Variants in SPEF2 observed in about 807,000 individuals in gnomAD.
SPEF2 encodes the protein sperm flagellar and cilia associated 2, also known as sperm flagella and cilia-associated protein 2.
In SPEF2, 187 loss-of-function variants were observed where a neutral mutation model predicts 224.6. The observed-to-expected ratio is 0.83, with a 90% confidence interval of 0.74 to 0.94. The LOEUF (loss-of-function observed/expected upper bound fraction) is 0.94. SPEF2 is among the 40% of genes least tolerant of loss of function. SPEF2 has a pLI of 0.00. For missense variants in SPEF2, 2,170 were observed against 2,135.6 expected, an observed-to-expected ratio of 1.02 and a Z score of -0.32; for synonymous variants, 715 against 707.3, an observed-to-expected ratio of 1.01 and a Z score of -0.17.
At chr5:35,765,491 A>G (rs1751972409) in intron 26 of SPEF2, among the ~76,000 whole-genome samples, 1 of 152,174 alleles carries the variant, frequency 6.6e-6, no homozygotes, top group Admixed American at 6.6e-5. Context: ...AGACAATACT[A>G]TACTTAATAC....
Position 35,691,162 on chromosome 5 carries a change from A to G in SPEF2, c.1650A>G (p.Ser550=). 9.3e-6 allele frequency: 15 copies of G among 1,614,106 alleles called. No individual in the cohort carries two copies. Among genetic ancestry groups the G allele is most frequent in the Non-Finnish European group, 1.2e-5 (14 of 1,179,982 alleles). The change falls in exon 11 of 37, where the codon TCA becomes TCG. Residue 550 remains serine (S), a synonymous_variant. Coordinates refer to ENST00000356031, the MANE Select transcript of SPEF2 (RefSeq NM_024867.4). ...AEKSLPPRAE[S]TTPELPSFAV... is the part of the protein sequence containing the mutation. ...AATCTCTTCCTCCTCGAGCGGAATC[A>G]ACAACACCTGAATTACCTTCATTTG...
At chr5:35,707,286 C>A (rs7713174) in intron 18 of SPEF2, among the ~76,000 whole-genome samples, 81,535 of 151,970 alleles carry the variant, frequency 0.54, 22,307 homozygotes, top group African/African-American at 0.56. Context: ...TTAAATACAT[C>A]TGCACAGAAG....
chr5:35,776,954 G>T (rs1021647026), intron 29 of SPEF2, among the ~76,000 whole-genome samples: 10 of 152,132 alleles, frequency 6.6e-5, no homozygotes, highest in African/African-American at 2.4e-4. Flanking sequence ...AAAGAGGCAG[G>T]TCAGCAGAGT....
At chr5:35,656,737 G>A (rs926390374) in intron 7 of SPEF2, among the ~76,000 whole-genome samples, 2 of 152,206 alleles carry the variant, frequency 1.3e-5, no homozygotes, top group African/African-American at 4.8e-5. Flanking sequence ...TTCAAAACTA[G>A]AGTTGGAGGT....
intron 36 of SPEF2, among the ~76,000 whole-genome samples, chr5:35,813,967 C>A (rs1411122216): frequency 6.6e-6 from 1 of 152,094 alleles, no homozygotes; most frequent in African/African-American, 2.4e-5. Context: ...AGCTGTATAG[C>A]AAATGTAAAA....
intron 19 of SPEF2, chr5:35,710,066 A>G (rs1418850505): frequency 1.0e-6 from 1 of 983,640 alleles, no homozygotes; most frequent in Non-Finnish European, 1.2e-6. Flanking sequence ...TGATATATTA[A>G]AGACCATTCT....
At chr5:35,691,647 G>T (rs1329811538) in intron 11 of SPEF2, among the ~76,000 whole-genome samples, 2 of 152,110 alleles carry the variant, frequency 1.3e-5, no homozygotes, top group Non-Finnish European at 2.9e-5. Flanking sequence ...TCCTTTTAGG[G>T]TGATTAAAAA....
rs1423272543 is a variant in SPEF2, at chr5:35,788,595, C to T, written c.4448-3745C>T. 5 of 702,698 alleles carry T rather than the reference C, an allele frequency of 7.1e-6. No individual in the cohort carries two copies. In the East Asian group the frequency reaches 1.1e-4, roughly 15 times the overall value. 43.5% of individuals were successfully genotyped at this position (702,698 alleles called of 1,614,324 possible). The stretch of plus-strand genomic sequence containing the variant: ...AATGATCCTCTGGCAATAAAAAATG[C>T]CATTGAGAAAACTCTAGAGATAAAT... On this transcript the variant is annotated intron_variant, in intron 30 of 36. Transcript: ENST00000356031.
intron 32 of SPEF2, among the ~76,000 whole-genome samples, chr5:35,795,031 G>T (rs1317847260): frequency 6.6e-6 from 1 of 151,900 alleles, no homozygotes; most frequent in Non-Finnish European, 1.5e-5. Context: ...TGTTGTTTCA[G>T]TGGAAAAATC....
At chr5:35,694,220 A>G in intron 12 of SPEF2, 68 bp from the exon 13 acceptor site, 1 of 1,212,156 alleles carries the variant, frequency 8.2e-7, no homozygotes, top group Non-Finnish European at 1.2e-6. Context: ...TTATAGATAT[A>G]AAATTAGGAG....
At chr5:35,680,782 G>T (rs1375817818) in intron 10 of SPEF2, among the ~76,000 whole-genome samples, 3 of 152,182 alleles carry the variant, frequency 2.0e-5, no homozygotes, top group African/African-American at 7.2e-5. Flanking sequence ...TGAGCTGTGA[G>T]TTTAGACTCT....
intron 33 of SPEF2, among the ~76,000 whole-genome samples, chr5:35,796,233 C>T (rs1421842256): frequency 6.6e-6 from 1 of 152,196 alleles, no homozygotes; most frequent in African/African-American, 2.4e-5. Flanking sequence ...GAGCTTGCTG[C>T]TCTCACTATT....
intron 30 of SPEF2, 53 bp downstream of exon 30, chr5:35,779,399 A>C (rs1754023094): frequency 7.2e-7 from 1 of 1,397,088 alleles, no homozygotes; most frequent in Non-Finnish European, 9.8e-7. Context: ...AAGATTAACC[A>C]GGACAGAAAT....
intron 29 of SPEF2, 52 bp from the exon 30 acceptor site, chr5:35,779,065 A>T: frequency 7.3e-7 from 1 of 1,365,440 alleles, no homozygotes; most frequent in Non-Finnish European, 1.0e-6. Context: ...AAACTTTATT[A>T]ATCTAATAGT....
chr5:35,769,040 C>A (rs983502131), intron 26 of SPEF2, among the ~76,000 whole-genome samples: 2 of 152,080 alleles, frequency 1.3e-5, no homozygotes, highest in Non-Finnish European at 2.9e-5. Context: ...AAAGTTCTCT[C>A]CAGCTTTATA....
intron 23 of SPEF2, among the ~76,000 whole-genome samples, chr5:35,749,431 T>A (rs1749069231): frequency 6.6e-6 from 1 of 152,078 alleles, no homozygotes; most frequent in Admixed American, 6.6e-5. Context: ...TTGCTGACGA[T>A]ATGATCGTTT....
chr5:35,747,946 C>A (rs1748812030), intron 23 of SPEF2, among the ~76,000 whole-genome samples: 2 of 152,022 alleles, frequency 1.3e-5, no homozygotes, highest in South Asian at 4.2e-4. Flanking sequence ...ATAAAACAAG[C>A]CTCAATAAAT....
intron 34 of SPEF2, 114 bp from the exon 35 acceptor site, chr5:35,806,593 T>C: frequency 7.5e-7 from 1 of 1,334,268 alleles, no homozygotes; most frequent in Non-Finnish European, 1.0e-6. Flanking sequence ...TAGTTTGTGG[T>C]AGGCTCTGTC....
At chr5:35,662,806 G>T (rs1749926455) in intron 8 of SPEF2, among the ~76,000 whole-genome samples, 1 of 151,924 alleles carries the variant, frequency 6.6e-6, no homozygotes, top group African/African-American at 2.4e-5. Flanking sequence ...TTTGTGTTTT[G>T]ATTACTCTAG....
Sources: allele counts gnomAD v4.1 joint callset (sites outside exome capture counted in the v4.1 genomes callset), GRCh38; gene constraint gnomAD v4.1.1; transcripts MANE v1.5; gene names NCBI Gene and HGNC (gene_info 2026-07-23, HGNC 2026-07-21).